GALNT14: variants seen among roughly 807,000 people sequenced by gnomAD.
GALNT14 encodes UDP-GalNAc:polypeptide N-acetylgalactosaminyltransferase 14.
GALNT14 carries 60 observed loss-of-function variants against 77.5 expected under a neutral mutation model. The ratio of observed to expected loss-of-function variants is 0.77; its 90% CI spans 0.63 to 0.96. GALNT14 has a LOEUF of 0.96. Among genes scored for constraint, GALNT14 ranks in the 40% least tolerant of loss-of-function variants. The pLI is 0.00. For missense variants in GALNT14, 710 were observed against 731.0 expected (o/e 0.97, Z 0.33); for synonymous variants, 280 against 281.7 (o/e 0.99, Z 0.06).
At chr2:31,060,101 G>A (rs1674495242) in intron 1 of GALNT14, among the ~76,000 whole-genome samples, 1 of 152,192 alleles carries the variant, frequency 6.6e-6, no homozygotes, top group South Asian at 2.1e-4. Flanking sequence ...GTTATTAGCT[G>A]TACTCGACAG....
intron 1 of GALNT14, among the ~76,000 whole-genome samples, chr2:31,104,407 T>C (rs1371519714): frequency 6.6e-6 from 1 of 152,172 alleles, no homozygotes; most frequent in Non-Finnish European, 1.5e-5. Flanking sequence ...AATACTCCAG[T>C]GCATGCCTCC....
chr2:30,916,175 TAGA>T (rs1246371090), intron 13 of GALNT14, among the ~76,000 whole-genome samples: 1 of 152,156 alleles, frequency 6.6e-6, no homozygotes, highest in Non-Finnish European at 1.5e-5. Context: ...AGTTATAGAT[TAGA>T]AGAAGTTAAT....
intron 1 of GALNT14, among the ~76,000 whole-genome samples, chr2:31,079,522 G>C (rs1269780376): frequency 6.6e-6 from 1 of 152,098 alleles, no homozygotes. Context: ...TTAAGGGAAG[G>C]GTGCTAAGTC....
At chr2:31,028,410 G>C (rs1201582757) in intron 1 of GALNT14, among the ~76,000 whole-genome samples, 3 of 152,196 alleles carry the variant, frequency 2.0e-5, no homozygotes, top group Non-Finnish European at 2.9e-5. Flanking sequence ...GCTCTGTGCT[G>C]AACTAGAAAG....
At chr2:30,975,162 T>C in intron 2 of GALNT14, among the ~76,000 whole-genome samples, 1 of 152,198 alleles carries the variant, frequency 6.6e-6, no homozygotes, top group Non-Finnish European at 1.5e-5. Context: ...GAATATCAGG[T>C]GGCATCTGGT....
At chr2:30,989,081 T>C (rs1301113550) in intron 2 of GALNT14, among the ~76,000 whole-genome samples, 1 of 152,142 alleles carries the variant, frequency 6.6e-6, no homozygotes, top group Non-Finnish European at 1.5e-5. Flanking sequence ...AAGAAGCGCT[T>C]ACCTAGAGCA....
At chr2:30,897,931 C>T in the GALNT14 span, among the ~76,000 whole-genome samples, 1 of 152,208 alleles carries the variant, frequency 6.6e-6, no homozygotes, top group African/African-American at 2.4e-5. Flanking sequence ...CCCCAGGCAA[C>T]CCCACAGGGG....
chr2:30,971,434 G>A (rs929102839), intron 2 of GALNT14, among the ~76,000 whole-genome samples: 1 of 152,078 alleles, frequency 6.6e-6, no homozygotes, highest in Non-Finnish European at 1.5e-5. Flanking sequence ...CTCACCTCCT[G>A]GGGAAACAGA....
intron 1 of GALNT14, among the ~76,000 whole-genome samples, chr2:31,034,182 T>C (rs1672574883): frequency 6.6e-6 from 1 of 152,164 alleles, no homozygotes; most frequent in Non-Finnish European, 1.5e-5. Context: ...GACATCTCTC[T>C]TCCTTCTTAA....
At chr2:31,007,425 C>T (rs762028443) in intron 1 of GALNT14, among the ~76,000 whole-genome samples, 1 of 152,160 alleles carries the variant, frequency 6.6e-6, no homozygotes, top group Non-Finnish European at 1.5e-5. Flanking sequence ...TAAGTAATTG[C>T]TCCCCAAATG....
At chr2:31,129,493 G>A in intron 1 of GALNT14, 5 of 985,408 alleles carry the variant, frequency 5.1e-6, no homozygotes, top group Non-Finnish European at 6.0e-6. Context: ...CCAGCTGGCA[G>A]CCATCAATTG....
chr2:31,074,412 T>A (rs973572375), intron 1 of GALNT14, among the ~76,000 whole-genome samples: 63 of 152,228 alleles, frequency 4.1e-4, no homozygotes, highest in Admixed American at 8.5e-4. Flanking sequence ...GGGGGATTTT[T>A]TTTTTTGCTT....
At chr2:30,937,034 C>A (rs1482893533) in intron 9 of GALNT14, among the ~76,000 whole-genome samples, 1 of 152,220 alleles carries the variant, frequency 6.6e-6, no homozygotes, top group Non-Finnish European at 1.5e-5. Context: ...GAACAAAGTG[C>A]TGGCTGCATT....
intron 1 of GALNT14, among the ~76,000 whole-genome samples, chr2:31,025,558 G>A (rs1430124464): frequency 5.9e-5 from 9 of 152,264 alleles, no homozygotes; most frequent in East Asian, 1.9e-4. Context: ...AGAAAACACC[G>A]GCAGGCTTGT....
intron 1 of GALNT14, chr2:31,129,540 T>G (rs1305322142): frequency 1.0e-6 from 1 of 985,274 alleles, no homozygotes; most frequent in African/African-American, 1.7e-5. Context: ...GGTGCCTTAA[T>G]TAATCCACAG....
At chr2:30,924,087 CA>C (rs1665200447) in intron 13 of GALNT14, 31 bp downstream of exon 13, 4 of 1,613,868 alleles carry the variant, frequency 2.5e-6, no homozygotes, top group African/African-American at 2.7e-5. Context: ...TACTGTGACA[CA>C]TGGTCCTGTA....
Position 31,094,308 on chromosome 2 carries a change from T to G in GALNT14, c.129+43650A>C, listed in dbSNP as rs571680599. On this transcript the variant is annotated intron_variant, in intron 1 of 14. Transcript: ENST00000349752. ...AAACATTGTTCCTAACTCCACTGCC[T>G]ATCCCAAAACCTATAAGAACTAATG... Among the ~76,000 whole-genome samples the G allele has an allele frequency of 8.7e-4, 133 of 152,318 alleles. 1 individual carries two copies. Among genetic ancestry groups the G allele is most frequent in the African/African-American group, 3.0e-3 (123 of 41,564 alleles).
At chr2:31,032,409 C>A (rs1672472117) in intron 1 of GALNT14, among the ~76,000 whole-genome samples, 1 of 152,202 alleles carries the variant, frequency 6.6e-6, no homozygotes, top group Admixed American at 6.5e-5. Flanking sequence ...CAGCGCAGAG[C>A]TCCTGAATGT....
chr2:31,045,237 G>C (rs115775670), intron 1 of GALNT14, among the ~76,000 whole-genome samples: 36 of 152,276 alleles, frequency 2.4e-4, no homozygotes, highest in Admixed American at 4.6e-4. Context: ...ATTTCTACAT[G>C]TCTCAGAATC....
Sources: gnomAD v4.1 joint callset for allele counts (sites outside exome capture counted in the v4.1 genomes callset) on GRCh38, gnomAD v4.1.1 for gene constraint, MANE v1.5 for transcripts, NCBI Gene and HGNC (gene_info 2026-07-23, HGNC 2026-07-21) for gene names.